GMPR: variants seen among roughly 807,000 people sequenced by gnomAD.
GMPR encodes guanosine monophosphate reductase.
A neutral mutation model predicts 38.4 loss-of-function variants in GMPR; 31 were observed. That is an observed-to-expected ratio of 0.81 (90% CI 0.61 to 1.09). The LOEUF (loss-of-function observed/expected upper bound fraction) is 1.09. GMPR is among the 50% of genes least tolerant of loss of function. GMPR has a pLI of 0.00. For missense variants in GMPR, 468 were observed against 453.7 expected (o/e 1.03, Z -0.29); for synonymous variants, 162 against 173.3 (o/e 0.93, Z 0.51).
At chr6:16,289,015 C>A (rs1413697821) in intron 7 of GMPR, among the ~76,000 whole-genome samples, 1 of 152,188 alleles carries the variant, frequency 6.6e-6, no homozygotes, top group Non-Finnish European at 1.5e-5. Context: ...AGAATAAAAG[C>A]AGGCTGCCGG....
chr6:16,249,614 T>C (rs968922815), intron 2 of GMPR, among the ~76,000 whole-genome samples: 2 of 152,216 alleles, frequency 1.3e-5, no homozygotes, highest in African/African-American at 4.8e-5. Context: ...TAAGCCACCA[T>C]GCCTGGGCAA....
intron 4 of GMPR, chr6:16,262,058 C>T (rs1032162657): frequency 3.3e-5 from 5 of 151,672 alleles, no homozygotes; most frequent in East Asian, 1.9e-4. Context: ...TTTTAAGAGG[C>T]TTAGAAGCCT....
chr6:16,244,751 G>T (rs1307687733), intron 1 of GMPR, among the ~76,000 whole-genome samples: 2 of 152,158 alleles, frequency 1.3e-5, no homozygotes, highest in Admixed American at 6.5e-5. Context: ...ATTTATCTCT[G>T]CTAGTGAACA....
intron 4 of GMPR, among the ~76,000 whole-genome samples, chr6:16,270,402 C>T (rs750190095): frequency 3.3e-5 from 5 of 152,166 alleles, no homozygotes; most frequent in African/African-American, 7.2e-5. Context: ...TGTGCTGCTA[C>T]GCACAGTCCC....
chr6:16,266,411 ACACT>A (rs1021630680), intron 4 of GMPR, among the ~76,000 whole-genome samples: 19 of 117,430 alleles, frequency 1.6e-4, no homozygotes, highest in African/African-American at 3.1e-4. Context: ...AAGAGCTGTA[ACACT>A]CACTGTGAAA....
At chr6:16,263,444 A>G (rs758965929) in intron 4 of GMPR, 3 of 151,774 alleles carry the variant, frequency 2.0e-5, no homozygotes, top group African/African-American at 4.8e-5. Flanking sequence ...AAGGGAGAAG[A>G]AGGAGGAATG....
At chr6:16,252,011 G>C (rs923085693) in intron 3 of GMPR, among the ~76,000 whole-genome samples, 1 of 152,174 alleles carries the variant, frequency 6.6e-6, no homozygotes, top group East Asian at 1.9e-4. Context: ...ACTTCAGGTC[G>C]TACTGTTTTC....
chr6:16,272,694 T>C (rs1759406692), intron 4 of GMPR, among the ~76,000 whole-genome samples: 1 of 152,272 alleles, frequency 6.6e-6, no homozygotes, highest in African/African-American at 2.4e-5. Flanking sequence ...ATTAGCGTTT[T>C]TCTTATAGGT....
intron 1 of GMPR, among the ~76,000 whole-genome samples, chr6:16,245,432 A>T (rs1370093452): frequency 6.6e-6 from 1 of 152,226 alleles, no homozygotes; most frequent in African/African-American, 2.4e-5. Context: ...AGTTGCCTCA[A>T]GTGAAAAAAA....
chr6:16,287,224 C>G (rs1050268849), intron 7 of GMPR, among the ~76,000 whole-genome samples: 5 of 152,120 alleles, frequency 3.3e-5, no homozygotes, highest in African/African-American at 1.2e-4. Flanking sequence ...TGTCACTTAC[C>G]CTTTATTGTA....
At chr6:16,280,748 G>T in intron 6 of GMPR, among the ~76,000 whole-genome samples, 1 of 152,160 alleles carries the variant, frequency 6.6e-6, no homozygotes, top group East Asian at 1.9e-4. Context: ...GGCTCTTTCA[G>T]AGGTTAGTCC....
intron 2 of GMPR, among the ~76,000 whole-genome samples, chr6:16,247,505 G>C (rs1002487599): frequency 6.6e-6 from 1 of 151,950 alleles, no homozygotes; most frequent in African/African-American, 2.4e-5. Flanking sequence ...CTCCCAAGTA[G>C]CTAGGACTAC....
At chr6:16,258,531 T>C (rs921919298) in intron 4 of GMPR, among the ~76,000 whole-genome samples, 1 of 152,348 alleles carries the variant, frequency 6.6e-6, no homozygotes, top group East Asian at 1.9e-4. Flanking sequence ...TTCCCACAGC[T>C]GTCTGGGAAG....
At chr6:16,275,392 G>A (rs113803849) in intron 5 of GMPR, among the ~76,000 whole-genome samples, 6 of 152,314 alleles carry the variant, frequency 3.9e-5, no homozygotes, top group African/African-American at 1.2e-4. Flanking sequence ...CTGTTGAGCT[G>A]TGACTTGGCT....
At chr6:16,289,796 G>T (rs1759798045) in intron 7 of GMPR, 1 of 145,542 alleles carries the variant, frequency 6.9e-6, no homozygotes, top group Non-Finnish European at 1.5e-5. Context: ...TCATAGAGGA[G>T]TCATAGCATT....
At chr6:16,251,679 C>G (rs907625309) in intron 3 of GMPR, among the ~76,000 whole-genome samples, 25 of 152,102 alleles carry the variant, frequency 1.6e-4, no homozygotes, top group Non-Finnish European at 4.4e-5. Context: ...GCCTGAGGGG[C>G]TGAGGAAGTT....
chr6:16,261,751 G>T (rs916263238), intron 4 of GMPR, among the ~76,000 whole-genome samples: 1 of 151,940 alleles, frequency 6.6e-6, no homozygotes, highest in Non-Finnish European at 1.5e-5. Flanking sequence ...CATTGAGCAG[G>T]GTAAGGGTTA....
chr6:16,265,830 G>T (rs912684335), intron 4 of GMPR, among the ~76,000 whole-genome samples: 1 of 151,430 alleles, frequency 6.6e-6, no homozygotes, highest in Admixed American at 6.9e-5. Flanking sequence ...CGCCATGGAG[G>T]TTTTCTTCGT....
chr6:16,291,510 C>T (rs1759840813), intron 8 of GMPR, among the ~76,000 whole-genome samples: 4 of 152,258 alleles, frequency 2.6e-5, no homozygotes, highest in Admixed American at 2.6e-4. Context: ...AGGCATGAGC[C>T]ACCGCACCTG....
Sources: gnomAD v4.1 joint callset for allele counts (sites outside exome capture counted in the v4.1 genomes callset) on GRCh38, gnomAD v4.1.1 for gene constraint, MANE v1.5 for transcripts, NCBI Gene and HGNC (gene_info 2026-07-23, HGNC 2026-07-21) for gene names.